AK8: variants seen among roughly 807,000 people sequenced by gnomAD.
AK8 encodes adenylate kinase 8, also known as ATP-AMP transphosphorylase 8.
Under a neutral mutation model 54.6 loss-of-function variants are expected in AK8, and 44 were observed. The observed-to-expected ratio is 0.81, with a 90% confidence interval of 0.63 to 1.04. The LOEUF (loss-of-function observed/expected upper bound fraction) is 1.04. AK8 is among the 50% of genes least tolerant of loss of function. The probability of loss-of-function intolerance (pLI) is 0.00; values close to 1 mark genes in which losing one functional copy is unlikely to be tolerated. For synonymous variants in AK8, 239 were observed against 245.6 expected (o/e 0.97, Z 0.25); for missense variants, 555 against 613.6 (o/e 0.90, Z 1.01).
intron 9 of AK8, among the ~76,000 whole-genome samples, chr9:132,817,850 G>A (rs934283658): frequency 2.4e-4 from 36 of 152,138 alleles, no homozygotes; most frequent in Admixed American, 7.2e-4. Context: ...AAAAATTTCA[G>A]CCCACACACC....
intron 11 of AK8, among the ~76,000 whole-genome samples, chr9:132,765,718 C>T (rs76500232): frequency 3.3e-5 from 5 of 152,250 alleles, no homozygotes; most frequent in South Asian, 2.1e-4. Flanking sequence ...TATGGCAAAC[C>T]GATATCTAAC....
At chr9:132,856,041 C>T (rs1251298260) in intron 4 of AK8, among the ~76,000 whole-genome samples, 1 of 152,170 alleles carries the variant, frequency 6.6e-6, no homozygotes, top group African/African-American at 2.4e-5. Flanking sequence ...CCAGGGTACT[C>T]CGCACTCTCC....
intron 11 of AK8, among the ~76,000 whole-genome samples, chr9:132,736,772 G>A (rs1157193416): frequency 1.6e-5 from 2 of 126,426 alleles, no homozygotes; most frequent in East Asian, 2.5e-4. Context: ...GTGACAGAGT[G>A]AGAATCCATC....
At chr9:132,796,197 C>T (rs1840166457) in intron 10 of AK8, among the ~76,000 whole-genome samples, 1 of 152,224 alleles carries the variant, frequency 6.6e-6, no homozygotes, top group South Asian at 2.1e-4. Context: ...CCCAACTGTT[C>T]TGCTGCCTCA....
At position 132,826,909 on chromosome 9, in the gene AK8, G is replaced by A; in HGVS notation, c.702C>T (p.Pro234=). ...CAGCACTGATGACTTTGAGGATTTT[G>A]GGGTAGGAGGGAATGACCCTGACGA... ...RNIVRVIPSY[P]KILKVISADQ... The change falls in exon 8 of 13, where the codon CCC becomes CCT. Residue 234 remains proline, a synonymous_variant. Coordinates refer to ENST00000298545, the MANE Select transcript of AK8 (RefSeq NM_152572.3). The surrounding 1 kb of genome is among the most constrained non-coding windows in gnomAD (Gnocchi z 4.5). 1 of 1,614,254 alleles carries A rather than the reference G, an allele frequency of 6.2e-7. No homozygotes were observed.
intron 8 of AK8, among the ~76,000 whole-genome samples, chr9:132,824,205 G>C (rs964152592): frequency 6.6e-6 from 1 of 152,208 alleles, no homozygotes; most frequent in African/African-American, 2.4e-5. Context: ...GCAGCATTTC[G>C]GGCACCTGAG....
chr9:132,768,173 C>T (rs796859529), intron 11 of AK8, among the ~76,000 whole-genome samples: 5 of 152,244 alleles, frequency 3.3e-5, no homozygotes, highest in African/African-American at 4.8e-5. Context: ...ACATGATCAT[C>T]GCACGTTATA....
At chr9:132,840,906 T>C (rs1222076747) in intron 5 of AK8, among the ~76,000 whole-genome samples, 2 of 151,562 alleles carry the variant, frequency 1.3e-5, no homozygotes, top group African/African-American at 2.4e-5. Context: ...ACCCAGAAAG[T>C]GTCCAGGACT....
chr9:132,844,297 C>CAAAAAAAAAAAAAAAAAAAAA (rs35309762), intron 5 of AK8, among the ~76,000 whole-genome samples: 1 of 92,656 alleles, frequency 1.1e-5, no homozygotes, highest in Non-Finnish European at 2.0e-5. Context: ...TGCATTAGAC[C>CAAAAAAAAAAAAAAAAAAAAA]AAAAAAAAAA....
intron 11 of AK8, among the ~76,000 whole-genome samples, chr9:132,750,612 TCTTA>T (rs1199058148): frequency 4.6e-5 from 7 of 151,974 alleles, no homozygotes; most frequent in Admixed American, 2.0e-4. Flanking sequence ...GATTGGAAGC[TCTTA>T]CTTGTGGACT....
Position 132,762,678 on chromosome 9 carries a change from C to T in AK8, c.1121+29956G>A, listed in dbSNP as rs554154952. ...CAGCACTTTGGGAGGCTGAGGCGGG[C>T]GGATCACCTGAGGTCAGGAGTTCCA... is the stretch of plus-strand genomic sequence containing the variant. On this transcript the variant is annotated intron_variant, in intron 11 of 12. Transcript: ENST00000298545. Among the ~76,000 whole-genome samples the T allele has an allele frequency of 1.8e-3, 271 of 152,068 alleles. 1 individual carries two copies. The highest frequency in any genetic ancestry group is 5.8e-3 in the African/African-American group (241 of 41,494).
intron 5 of AK8, among the ~76,000 whole-genome samples, chr9:132,844,473 T>C (rs541712156): frequency 2.6e-5 from 4 of 152,332 alleles, no homozygotes; most frequent in Middle Eastern, 6.8e-3. Context: ...AATTACCATA[T>C]AAATGAATAT....
At chr9:132,753,153 G>C (rs980528796) in intron 11 of AK8, among the ~76,000 whole-genome samples, 2 of 152,222 alleles carry the variant, frequency 1.3e-5, no homozygotes, top group African/African-American at 2.4e-5. Context: ...CAGGAGGAAG[G>C]AGCCAGGCCA....
intron 11 of AK8, among the ~76,000 whole-genome samples, chr9:132,738,424 T>A (rs1206153265): frequency 1.3e-5 from 2 of 152,188 alleles, no homozygotes; most frequent in African/African-American, 4.8e-5. Context: ...CTTCTTTTTT[T>A]TTAATTTAAA....
chr9:132,859,680 C>T (rs1588225163), intron 4 of AK8, among the ~76,000 whole-genome samples: 1 of 151,580 alleles, frequency 6.6e-6, no homozygotes, highest in South Asian at 2.1e-4. Context: ...GGGTCTTCCT[C>T]ACCTGAGCCT....
rs540696253 is a variant in AK8, at chr9:132,747,416, G to T, written c.1122-19882C>A. On this transcript the variant is annotated intron_variant, in intron 11 of 12. Coordinates refer to ENST00000298545, the MANE Select transcript of AK8 (RefSeq NM_152572.3). Reference sequence around the variant, plus strand: ...GATCTCCCCACCTTGGCCTCCCAAAGTGCTGGGATTACAGGCATAAGGCAC... The same window carrying T: ...GATCTCCCCACCTTGGCCTCCCAAATTGCTGGGATTACAGGCATAAGGCAC... Among the ~76,000 whole-genome samples, 28 of 151,586 alleles carry T rather than the reference G, an allele frequency of 1.8e-4. 1 individual carries two copies. In the South Asian group the frequency reaches 5.4e-3, roughly 29 times the overall value.
rs778854317 is a variant in AK8 at position 132,863,775 on chromosome 9, T to C, written c.223A>G (p.Met75Val). The change falls in exon 4 of 13, where the codon ATG (methionine) becomes GTG (valine). Residue 75 changes from methionine (M) to valine (V), a missense_variant. By Grantham distance (21) the Met-to-Val change is conservative. Transcript: ENST00000298545. Reference protein sequence around the residue: ...PPASGKTTIAMWLCKHLNSSL... With the variant: ...PPASGKTTIAVWLCKHLNSSL... ...CTGTTCAGATGTTTGCAGAGCCACA[T>C]TGCCTGAAGAAAGGAAAGAAGAAAA... The C allele has an allele frequency of 1.1e-5, 17 of 1,609,402 alleles. No homozygotes were observed. Among genetic ancestry groups the C allele is most frequent in the East Asian group, 4.5e-5 (2 of 44,868 alleles).
Position 132,731,324 on chromosome 9 carries a change from T to C in AK8, c.1122-3790A>G, listed in dbSNP as rs150238705. Among the ~76,000 whole-genome samples, 191 of 152,260 alleles carry C rather than the reference T, an allele frequency of 1.3e-3. 2 individuals are homozygous for C. The highest frequency in any genetic ancestry group is 4.5e-3 in the African/African-American group (185 of 41,544). ...AGGTGGACTTGTGGACTTAATTTTA[T>C]GTGTCACCTTGACTGGATGAAGGAG... On this transcript the variant is annotated intron_variant, in intron 11 of 12. Transcript: ENST00000298545.
intron 5 of AK8, among the ~76,000 whole-genome samples, chr9:132,854,098 G>C (rs1204085951): frequency 1.3e-5 from 2 of 152,154 alleles, no homozygotes; most frequent in African/African-American, 4.8e-5. Context: ...CTACTCAGGA[G>C]GCTGAGACAG....
Sources: gnomAD v4.1 joint callset for allele counts (sites outside exome capture counted in the v4.1 genomes callset) on GRCh38, gnomAD v4.1.1 for gene constraint, Gnocchi (gnomAD v3.1) non-coding constraint, MANE v1.5 for transcripts, NCBI Gene and HGNC (gene_info 2026-07-23, HGNC 2026-07-21) for gene names.